Variants in HEXD observed in about 807,000 individuals in gnomAD.
HEXD encodes the protein N-acetyl-beta-galactosaminidase.
A neutral mutation model predicts 54.2 loss-of-function variants in HEXD; 47 were observed. The observed-to-expected ratio is 0.87, with a 90% CI of 0.69 to 1.11. HEXD has a LOEUF of 1.11. HEXD is among the 50% of genes least tolerant of loss of function. The pLI is 0.00. For missense variants in HEXD, 576 were observed against 649.2 expected, an observed-to-expected ratio of 0.89 and a Z score of 1.23; for synonymous variants, 293 against 287.6, an observed-to-expected ratio of 1.02 and a Z score of -0.19.
chr17:82,436,688 T>C lies in HEXD; in HGVS notation c.653T>C (p.Val218Ala). The C allele has an allele frequency of 6.2e-7, 1 of 1,611,932 alleles. No individual in the cohort carries two copies. The highest frequency in any genetic ancestry group is 1.7e-5 in the Admixed American group (1 of 59,872). ...QLAASGVPQL[V>A]EPVLWDYTAD... The stretch of plus-strand genomic sequence containing the variant: ...GCAGCGTCCGGGGTGCCGCAGCTGG[T>C]GGAGCCGGTGCTCTGGGACTACACG... Residue 218 changes from valine (V) to alanine (A), a missense_variant, in exon 7 of 13, where the codon GTG (valine) becomes GCG (alanine). Coordinates refer to ENST00000327949, the MANE Select transcript of HEXD (RefSeq NM_001330542.2).
intron 3 of HEXD, chr17:82,425,739 G>C (rs2053394220): frequency 6.6e-6 from 1 of 152,334 alleles, no homozygotes; most frequent in Non-Finnish European, 1.5e-5. Context: ...AGGCCAAGGT[G>C]GGCAGATCAC....
In HEXD at chr17:82,441,405, G is replaced by A. The variant is rs557835088; in HGVS notation, c.1163+139G>A. The A allele has an allele frequency of 8.7e-5, 86 of 991,054 alleles. No individual in the cohort carries two copies. The African/African-American group carries it at 1.0e-3, about 11-fold the overall frequency. The allele number at this position is 991,054 out of a possible 1,614,324, so 61.4% of individuals were successfully genotyped here. On this transcript the variant is annotated intron_variant, in intron 11 of 12. Transcript: ENST00000327949. ...GAGCGGGCAGGCATGGGGCAGGTGCGGGTGAGGGGCAGGTGTGGGTGGGAG... is the reference window on the plus strand; with the variant it reads ...GAGCGGGCAGGCATGGGGCAGGTGCAGGTGAGGGGCAGGTGTGGGTGGGAG...
chr17:82,437,026 CTG>C, intron 7 of HEXD, 140 bp from the exon 8 acceptor site: 1 of 774,374 alleles, frequency 1.3e-6, no homozygotes, highest in Non-Finnish European at 2.2e-6. Context: ...CGCATACACT[CTG>C]GAGTCTCCTA....
At chr17:82,441,317 CG>C in intron 11 of HEXD, 51 bp downstream of exon 11, 1 of 880,544 alleles carries the variant, frequency 1.1e-6, no homozygotes, top group Non-Finnish European at 1.6e-6. Context: ...AGGCATGGGG[CG>C]GGTGCAGGTG....
chr17:82,441,329 AGGGGGCAGGTGT>A lies in HEXD; in HGVS notation c.1163+67_1163+78del, dbSNP rs1212752242. The A allele has an allele frequency of 2.5e-5, 12 of 487,092 alleles. No homozygotes were observed. The East Asian group carries it at 5.7e-4, about 23-fold the overall frequency. The allele number at this position is 487,092 out of a possible 1,614,324, so 30.2% of individuals were successfully genotyped here. A position where few individuals can be genotyped will look rare whatever the true frequency, so the allele number is the denominator to read the frequency against. On this transcript the variant is annotated intron_variant, in intron 11 of 12. Coordinates refer to ENST00000327949, the MANE Select transcript of HEXD (RefSeq NM_001330542.2). The stretch of plus-strand genomic sequence containing the variant: ...GGCAGGCATGGGGCGGGTGCAGGTG[AGGGGGCAGGTGT>A]GGGTGGGAGGCAGGTGCGGGTGAGG...
intron 4 of HEXD, among the ~76,000 whole-genome samples, chr17:82,433,108 ATATATATATATATATATATATT>A (rs1567890468): frequency 2.8e-4 from 5 of 17,654 alleles, no homozygotes; most frequent in Non-Finnish European, 4.0e-4. Context: ...ATATATATAT[ATATATATATATATATATATATT>A]TTTTTTTTTT....
chr17:82,426,573 G>T (rs1446147575), intron 3 of HEXD: 1 of 152,216 alleles, frequency 6.6e-6, no homozygotes, highest in East Asian at 1.9e-4. Flanking sequence ...GCCAGAGCCT[G>T]TCTCAAAAGA....
Position 82,437,195 on chromosome 17 carries a change from G to A in HEXD, c.731G>A (p.Cys244Tyr), listed in dbSNP as rs2053795133. Residue 244 changes from cysteine (C) to tyrosine (Y), a missense_variant, in exon 8 of 13, where the codon TGC becomes TAC. Coordinates refer to ENST00000327949, the MANE Select transcript of HEXD (RefSeq NM_001330542.2). ...KVLLMQKYRRCGFPQLWAASA... is the reference protein window; with the variant it reads ...KVLLMQKYRRYGFPQLWAASA... ...CTCCTCATGCAGAAGTACCGGCGGT[G>A]CGGCTTTCCGCAGCTGTGGGCAGCC... 1 of 1,599,488 alleles carries A rather than the reference G, an allele frequency of 6.3e-7. No homozygotes were observed.
intron 4 of HEXD, among the ~76,000 whole-genome samples, chr17:82,429,559 C>T (rs1315054121): frequency 6.6e-6 from 1 of 152,126 alleles, no homozygotes; most frequent in Non-Finnish European, 1.5e-5. Flanking sequence ...CCTCCTGCCA[C>T]GTATCCACAG....
At chr17:82,427,511 C>CTGCAATGAGATAATCAGG (rs2053450612) in intron 3 of HEXD, among the ~76,000 whole-genome samples, 2 of 152,012 alleles carry the variant, frequency 1.3e-5, no homozygotes, top group Non-Finnish European at 2.9e-5. Context: ...GGGTGTTGGC[C>CTGCAATGAGATAATCAGG]TGCAATGAGA....
chr17:82,427,586 T>C (rs184587258), intron 3 of HEXD, among the ~76,000 whole-genome samples: 8 of 152,176 alleles, frequency 5.3e-5, no homozygotes, highest in African/African-American at 1.9e-4. Flanking sequence ...TGATCAGGGG[T>C]TTGCATTTTC....
rs1436816896 is a variant in HEXD at position 82,434,435 on chromosome 17, G to T, written c.447+613G>T. 6.6e-6 allele frequency among the ~76,000 whole-genome samples: 1 copy of T among 152,216 alleles called. No individual in the cohort carries two copies. The highest frequency in any genetic ancestry group is 2.4e-5 in the African/African-American group (1 of 41,450). On this transcript the variant is annotated intron_variant, in intron 5 of 12. Transcript: ENST00000327949. This position sits in a 1 kb window ranked among gnomAD's most constrained non-coding sequence, Gnocchi z 4.5. Reference sequence around the variant, plus strand: ...CCCACGGGGCTGGGAGGTTCTGCAGGGCTGTGGCTCACAGGGAACCCGAGC... The same window carrying T: ...CCCACGGGGCTGGGAGGTTCTGCAGTGCTGTGGCTCACAGGGAACCCGAGC...
In HEXD at chr17:82,441,896, C is replaced by T. The variant is rs2053989620; in HGVS notation, c.1253+7C>T. On this transcript the variant is annotated splice_region_variant and intron_variant, in intron 12 of 12. Transcript: ENST00000327949. ...TCCAGCCCGCAGCGCTCAGGTGAGG[C>T]CCTGGGCTCTTATAGGCCGTGCAGC... 1 of 1,611,828 alleles carries T rather than the reference C, an allele frequency of 6.2e-7. No individual in the cohort carries two copies. Among genetic ancestry groups the T allele is most frequent in the Admixed American group, 1.7e-5 (1 of 60,000 alleles).
Position 82,418,552 on chromosome 17 carries a change from G to A in HEXD, c.-240G>A. Reference sequence around the variant, plus strand: ...GGCCCGGGGACGAACGCCGTAACAGGGAGCGCGAGGCAGGCACGGCGCAGG... The same window carrying A: ...GGCCCGGGGACGAACGCCGTAACAGAGAGCGCGAGGCAGGCACGGCGCAGG... On this transcript the variant is annotated 5_prime_UTR_variant, in exon 1 of 13. Coordinates refer to ENST00000327949, the MANE Select transcript of HEXD (RefSeq NM_001330542.2). The A allele has an allele frequency of 1.1e-6, 1 of 893,344 alleles. No individual in the cohort carries two copies. The highest frequency in any genetic ancestry group is 1.5e-6 in the Non-Finnish European group (1 of 668,272). 55.3% of individuals were successfully genotyped at this position (893,344 alleles called of 1,614,324 possible). A position where few individuals can be genotyped will look rare whatever the true frequency, so the allele number is the denominator to read the frequency against.
intron 8 of HEXD, among the ~76,000 whole-genome samples, chr17:82,438,601 G>A (rs954278333): frequency 3.1e-4 from 47 of 152,372 alleles, no homozygotes; most frequent in African/African-American, 1.1e-3. Flanking sequence ...CTTGGGTCTC[G>A]TCTCAAGTTA....
At chr17:82,437,444 G>T (rs1338719100) in intron 8 of HEXD, 81 bp downstream of exon 8, 1 of 1,276,994 alleles carries the variant, frequency 7.8e-7, no homozygotes, top group African/African-American at 1.5e-5. Context: ...CGTCCGCCAA[G>T]GGCCTTCCCA....
chr17:82,441,509 G>A (rs961893761), intron 11 of HEXD, among the ~76,000 whole-genome samples: 4 of 145,868 alleles, frequency 2.7e-5, no homozygotes, highest in Non-Finnish European at 4.5e-5. Flanking sequence ...CAGGCATGGG[G>A]CAGGTGCGGC....
intron 8 of HEXD, chr17:82,439,406 C>A (rs117110116): frequency 3.1e-6 from 3 of 982,098 alleles, no homozygotes; most frequent in Admixed American, 6.1e-5. Context: ...GGAATCCCCA[C>A]GCTCTTCACT....
intron 9 of HEXD, chr17:82,439,935 A>G: frequency 6.6e-7 from 1 of 1,514,994 alleles, no homozygotes; most frequent in Non-Finnish European, 8.8e-7. Flanking sequence ...AGCAGGCTGG[A>G]GAGTGACGCG....
Sources: allele counts gnomAD v4.1 joint callset (sites outside exome capture counted in the v4.1 genomes callset), GRCh38; gene constraint gnomAD v4.1.1; non-coding constraint Gnocchi (gnomAD v3.1); transcripts MANE v1.5; gene names NCBI Gene and HGNC (gene_info 2026-07-23, HGNC 2026-07-21).